Variants in CCDC198 observed in about 807,000 individuals in gnomAD.
CCDC198 encodes the protein coiled-coil domain containing 198.
Under a neutral mutation model 35.6 loss-of-function variants are expected in CCDC198, and 18 were observed. That is an observed-to-expected ratio of 0.51 (90% CI 0.35 to 0.75). The LOEUF (loss-of-function observed/expected upper bound fraction) is 0.75. Among genes scored for constraint, CCDC198 ranks in the 30% least tolerant of loss-of-function variants. CCDC198 has a pLI of 0.01. For missense variants in CCDC198, 365 were observed against 343.7 expected, an observed-to-expected ratio of 1.06 and a Z score of -0.49; for synonymous variants, 119 against 113.4, an observed-to-expected ratio of 1.05 and a Z score of -0.31.
chr14:57,478,220 A>C (rs1317990881), intron 5 of CCDC198, among the ~76,000 whole-genome samples: 1 of 152,186 alleles, frequency 6.6e-6, no homozygotes, highest in African/African-American at 2.4e-5. Flanking sequence ...AAATAAGGTC[A>C]AGGACTCACA....
intron 2 of CCDC198, 48 bp downstream of exon 2, chr14:57,490,941 C>T: frequency 7.0e-7 from 1 of 1,437,316 alleles, no homozygotes; most frequent in Non-Finnish European, 9.8e-7. Flanking sequence ...AGGGATGTTA[C>T]CATTTTATCC....
chr14:57,480,563 A>T (rs1483763940), intron 5 of CCDC198, 32 bp downstream of exon 5: 1 of 1,606,748 alleles, frequency 6.2e-7, no homozygotes, highest in Admixed American at 1.7e-5. Flanking sequence ...AAACACTTGA[A>T]ATGTTTTACT....
At chr14:57,471,872 C>G (rs936163574) in intron 5 of CCDC198, among the ~76,000 whole-genome samples, 2 of 151,574 alleles carry the variant, frequency 1.3e-5, no homozygotes, top group Non-Finnish European at 2.9e-5. Flanking sequence ...CATTTTGCCA[C>G]AATACTTTTT....
rs1317185767 is a variant in CCDC198, at chr14:57,470,385, A to T, written c.*970T>A. The stretch of plus-strand genomic sequence containing the variant: ...AGTCTCATTCTGTCGCCCAGGCTGG[A>T]GTGCAGTGGAGTGATCTTGGCTCAT... On this transcript the variant is annotated 3_prime_UTR_variant, in exon 6 of 6. Transcript: ENST00000216445. 2.6e-5 allele frequency: 4 copies of T among 152,010 alleles called. No individual in the cohort carries two copies. Among genetic ancestry groups the T allele is most frequent in the South Asian group, 2.1e-4 (1 of 4,812 alleles). The allele number at this position is 152,010 out of a possible 1,614,324, so 9.4% of individuals were successfully genotyped here. A position where few individuals can be genotyped will look rare whatever the true frequency, so the allele number is the denominator to read the frequency against.
intron 2 of CCDC198, among the ~76,000 whole-genome samples, chr14:57,490,405 C>A (rs966744748): frequency 6.6e-6 from 1 of 152,108 alleles, no homozygotes; most frequent in Non-Finnish European, 1.5e-5. Flanking sequence ...TTTAAACAAC[C>A]AGTTAACATC....
chr14:57,474,125 C>T (rs568353104), intron 5 of CCDC198, among the ~76,000 whole-genome samples: 1 of 152,312 alleles, frequency 6.6e-6, no homozygotes, highest in East Asian at 1.9e-4. Flanking sequence ...AAACCAGAAA[C>T]CATATCTGCC....
intron 1 of CCDC198, 89 bp downstream of exon 1, chr14:57,493,404 T>G: frequency 1.7e-6 from 2 of 1,159,286 alleles, no homozygotes; most frequent in Non-Finnish European, 1.3e-6. Context: ...ATTTAGAAAC[T>G]TTCTGAGATC....
At chr14:57,475,964 G>A (rs2066983320) in intron 5 of CCDC198, among the ~76,000 whole-genome samples, 1 of 151,334 alleles carries the variant, frequency 6.6e-6, no homozygotes, top group African/African-American at 2.4e-5. Context: ...ACCACTCCTG[G>A]CTAATTTTTT....
chr14:57,480,347 A>C, intron 5 of CCDC198: 1 of 933,760 alleles, frequency 1.1e-6, no homozygotes, highest in South Asian at 4.9e-5. Context: ...CTTGCAATGA[A>C]GCATGCAAAG....
chr14:57,493,652 C>T lies in CCDC198; in HGVS notation c.64G>A (p.Glu22Lys). The part of the protein sequence containing the change: ...VIKVAPLQNK[E>K]VETPSAGRVD... Reference sequence around the variant, plus strand: ...CGGCCAGCCGAGGGAGTCTCTACCTCTTTGTTTTGCAAAGGTGCTACTTTG... The same window carrying T: ...CGGCCAGCCGAGGGAGTCTCTACCTTTTTGTTTTGCAAAGGTGCTACTTTG... Residue 22 changes from glutamate (E) to lysine (K), a missense_variant, in exon 1 of 6, where the codon GAG (glutamate) becomes AAG (lysine). Transcript: ENST00000216445. 1 of 1,613,884 alleles carries T rather than the reference C, an allele frequency of 6.2e-7. No homozygotes were observed. Among genetic ancestry groups the T allele is most frequent in the Non-Finnish European group, 8.5e-7 (1 of 1,179,912 alleles).
chr14:57,491,104 C>T, intron 1 of CCDC198, 33 bp from the exon 2 acceptor site: 2 of 1,596,650 alleles, frequency 1.3e-6, no homozygotes, highest in South Asian at 1.1e-5. Context: ...AGGAATAAAA[C>T]ATTAAATATA....
intron 1 of CCDC198, among the ~76,000 whole-genome samples, chr14:57,491,533 GAGAA>G (rs575077850): frequency 6.8e-4 from 104 of 152,190 alleles, no homozygotes; most frequent in African/African-American, 2.4e-3. Context: ...ATACAGAGAT[GAGAA>G]AGAAATGGAG....
intron 5 of CCDC198, among the ~76,000 whole-genome samples, chr14:57,478,263 C>T (rs1032370040): frequency 6.6e-6 from 1 of 152,154 alleles, no homozygotes; most frequent in Non-Finnish European, 1.5e-5. Flanking sequence ...CCAAAGCTGT[C>T]CTTGACAGAG....
intron 3 of CCDC198, 38 bp downstream of exon 3, chr14:57,483,027 C>G (rs1025945604): frequency 4.3e-6 from 7 of 1,613,390 alleles, no homozygotes; most frequent in Middle Eastern, 1.7e-4. Flanking sequence ...TCGCCCACCC[C>G]CAGTTCACCT....
chr14:57,475,883 C>T (rs1308596496), intron 5 of CCDC198, among the ~76,000 whole-genome samples: 1 of 135,388 alleles, frequency 7.4e-6, no homozygotes. Context: ...CTTACTGCAA[C>T]CTCTGCCTCT....
chr14:57,490,803 C>T (rs940385573), intron 2 of CCDC198, 186 bp downstream of exon 2: 11 of 604,104 alleles, frequency 1.8e-5, no homozygotes, highest in Non-Finnish European at 2.5e-5. Context: ...GTCTTAAAAG[C>T]GAAATCATTG....
At chr14:57,475,297 T>A (rs1469172203) in intron 5 of CCDC198, 1 of 776,270 alleles carries the variant, frequency 1.3e-6, no homozygotes, top group Non-Finnish European at 1.6e-6. Flanking sequence ...AATAAATAAA[T>A]AAAATCTATA....
At chr14:57,472,253 CTCTT>C (rs1220060310) in intron 5 of CCDC198, among the ~76,000 whole-genome samples, 5 of 152,120 alleles carry the variant, frequency 3.3e-5, no homozygotes, top group African/African-American at 9.6e-5. Context: ...CCCTTTTCTT[CTCTT>C]TCTTTCTCCC....
At chr14:57,487,587 G>A (rs1057366005) in intron 2 of CCDC198, among the ~76,000 whole-genome samples, 10 of 152,226 alleles carry the variant, frequency 6.6e-5, no homozygotes, top group East Asian at 3.9e-4. Flanking sequence ...CATTTGATTC[G>A]GAGTTCCCTG....
Sources: gnomAD v4.1 joint callset for allele counts (sites outside exome capture counted in the v4.1 genomes callset) on GRCh38, gnomAD v4.1.1 for gene constraint, MANE v1.5 for transcripts, NCBI Gene and HGNC (gene_info 2026-07-23, HGNC 2026-07-21) for gene names.